Variants in ARMH4 observed in about 807,000 individuals in gnomAD.
ARMH4 encodes armadillo-like helical domain-containing protein 4.
A neutral mutation model predicts 61.9 loss-of-function variants in ARMH4; 49 were observed. The observed-to-expected ratio is 0.79, with a 90% CI of 0.63 to 1.00. The LOEUF (loss-of-function observed/expected upper bound fraction) is 1.00. Ranked by LOEUF, ARMH4 falls within the 50% of genes least tolerant of loss-of-function variation. ARMH4 has a pLI of 0.00. For synonymous variants in ARMH4, 368 were observed against 341.5 expected (o/e 1.08, Z -0.85); for missense variants, 934 against 930.0 (o/e 1.00, Z -0.06).
chr14:58,059,101 G>A (rs1192199204), intron 5 of ARMH4, among the ~76,000 whole-genome samples: 1 of 152,206 alleles, frequency 6.6e-6, no homozygotes, highest in African/African-American at 2.4e-5. Flanking sequence ...GGTAGACAGA[G>A]GTAGAAAGAG....
chr14:58,043,507 G>A (rs1205785415), intron 5 of ARMH4, among the ~76,000 whole-genome samples: 1 of 152,128 alleles, frequency 6.6e-6, no homozygotes, highest in Non-Finnish European at 1.5e-5. Flanking sequence ...CATACTGAAT[G>A]GGCAAAAACT....
At chr14:58,024,862 A>G (rs1169907125) in intron 5 of ARMH4, among the ~76,000 whole-genome samples, 2 of 152,172 alleles carry the variant, frequency 1.3e-5, no homozygotes, top group Non-Finnish European at 2.9e-5. Flanking sequence ...AACAGTCAGA[A>G]CACACACAAC....
intron 1 of ARMH4, chr14:58,141,621 A>G: frequency 2.2e-6 from 1 of 451,392 alleles, no homozygotes; most frequent in South Asian, 1.8e-5. Flanking sequence ...ACAAGAAGAA[A>G]TGCGGCCACA....
chr14:58,085,327 G>GA (rs1421579188), intron 5 of ARMH4, among the ~76,000 whole-genome samples: 2 of 151,206 alleles, frequency 1.3e-5, no homozygotes, highest in Non-Finnish European at 2.9e-5. Context: ...CTTCCTTTCT[G>GA]AAAAACTTCC....
At chr14:58,032,577 G>C (rs1465248565) in intron 5 of ARMH4, among the ~76,000 whole-genome samples, 2 of 152,164 alleles carry the variant, frequency 1.3e-5, no homozygotes, top group East Asian at 3.9e-4. Context: ...AACAGCTCTG[G>C]TCTACAGCTC....
At chr14:58,108,749 G>A (rs2141283631) in intron 4 of ARMH4, among the ~76,000 whole-genome samples, 1 of 152,240 alleles carries the variant, frequency 6.6e-6, no homozygotes, top group East Asian at 1.9e-4. Flanking sequence ...TTTGTCTAGG[G>A]TACATTCCTA....
At chr14:58,088,086 C>T (rs1885438506) in intron 5 of ARMH4, among the ~76,000 whole-genome samples, 2 of 152,134 alleles carry the variant, frequency 1.3e-5, no homozygotes, top group African/African-American at 2.4e-5. Flanking sequence ...CTATTTATAA[C>T]CTACGTCATG....
chr14:58,138,736 G>T lies in ARMH4; in HGVS notation c.623C>A (p.Ser208Tyr). The change falls in exon 2 of 8, where the codon TCC becomes TAC. Residue 208 changes from serine (S) to tyrosine (Y), a missense_variant. Physicochemically the swap from Ser to Tyr is moderately radical, Grantham distance 144 (BLOSUM62 -2). Transcript: ENST00000267485. ...EGVGLGHSPS[S>Y]YVNTKEMLTT... ...TAGCATTTCCTTAGTATTCACATAG[G>T]ATGAAGGTGAATGTCCCAAACCAAC... is the stretch of plus-strand genomic sequence containing the variant. 6.2e-7 allele frequency: 1 copy of T among 1,614,172 alleles called. No homozygotes were observed. The highest frequency in any genetic ancestry group is 8.5e-7 in the Non-Finnish European group (1 of 1,180,044).
At chr14:58,035,042 C>T (rs1045497735) in intron 5 of ARMH4, among the ~76,000 whole-genome samples, 1 of 138,814 alleles carries the variant, frequency 7.2e-6, no homozygotes, top group Non-Finnish European at 1.6e-5. Flanking sequence ...CTCAGCTCTG[C>T]ACCAAGCGGA....
chr14:58,137,273 T>C (rs1474828474), intron 2 of ARMH4, among the ~76,000 whole-genome samples: 1 of 152,228 alleles, frequency 6.6e-6, no homozygotes, highest in African/African-American at 2.4e-5. Context: ...CCCTCAGTTC[T>C]AACAACTAAA....
At chr14:58,047,816 A>C (rs75079068) in intron 5 of ARMH4, among the ~76,000 whole-genome samples, 2,440 of 152,250 alleles carry the variant, frequency 0.016, 22 homozygotes, top group Middle Eastern at 0.068. Flanking sequence ...AGGAATAGGA[A>C]AAAAAGCCTT....
intron 5 of ARMH4, among the ~76,000 whole-genome samples, chr14:58,066,912 G>C (rs971932060): frequency 1.3e-5 from 2 of 152,114 alleles, no homozygotes; most frequent in Non-Finnish European, 2.9e-5. Flanking sequence ...ACAAAATATG[G>C]TTACTACTAA....
chr14:58,046,453 G>A (rs55667593), intron 5 of ARMH4, among the ~76,000 whole-genome samples: 6,403 of 152,196 alleles, frequency 0.042, 147 homozygotes, highest in Non-Finnish European at 0.049. Context: ...ACTCCCTTGT[G>A]CAGTAAGAAA....
rs557285486 is a variant in ARMH4, at chr14:58,011,977, G to C, written c.2121+142C>G. On this transcript the variant is annotated intron_variant, in intron 6 of 7. Coordinates refer to ENST00000267485, the MANE Select transcript of ARMH4 (RefSeq NM_001001872.4). ...TAAAGGGAAGGGCTTCTTTTTTGCAGGTACTGCAAGTTGCCCTGAATCTTT... is the reference window on the plus strand; with the variant it reads ...TAAAGGGAAGGGCTTCTTTTTTGCACGTACTGCAAGTTGCCCTGAATCTTT... 1.5e-5 allele frequency: 9 copies of C among 607,092 alleles called. No homozygotes were observed. The South Asian group carries it at 1.6e-4, about 11-fold the overall frequency. The allele number at this position is 607,092 out of a possible 1,614,324, so 37.6% of individuals were successfully genotyped here.
chr14:58,119,510 C>T (rs1370937047), intron 4 of ARMH4, among the ~76,000 whole-genome samples: 1 of 152,150 alleles, frequency 6.6e-6, no homozygotes, highest in Admixed American at 6.5e-5. Flanking sequence ...CATATAGTTC[C>T]AAGCTACGTG....
At chr14:58,056,784 C>T (rs1183435560) in intron 5 of ARMH4, among the ~76,000 whole-genome samples, 1 of 152,160 alleles carries the variant, frequency 6.6e-6, no homozygotes, top group Non-Finnish European at 1.5e-5. Context: ...CCCATTCTCC[C>T]CTTTTTCTGT....
intron 6 of ARMH4, among the ~76,000 whole-genome samples, chr14:58,009,419 G>C (rs1276823073): frequency 6.6e-6 from 1 of 152,106 alleles, no homozygotes; most frequent in Admixed American, 6.5e-5. Context: ...CCTTGGGAAT[G>C]AAGGTCACAA....
At chr14:58,144,372 T>G (rs1260575800) in intron 1 of ARMH4, among the ~76,000 whole-genome samples, 1 of 152,026 alleles carries the variant, frequency 6.6e-6, no homozygotes, top group Non-Finnish European at 1.5e-5. Context: ...GAGACCAGCC[T>G]GAGCAACATG....
chr14:58,128,781 T>C (rs1886987293), intron 4 of ARMH4, among the ~76,000 whole-genome samples: 1 of 152,220 alleles, frequency 6.6e-6, no homozygotes. Flanking sequence ...CCCTGTTACA[T>C]GTTGAATTGT....
Sources: gnomAD v4.1 joint callset for allele counts (sites outside exome capture counted in the v4.1 genomes callset) on GRCh38, gnomAD v4.1.1 for gene constraint, MANE v1.5 for transcripts, NCBI Gene and HGNC (gene_info 2026-07-23, HGNC 2026-07-21) for gene names.